Variants in BRD10 observed in about 807,000 individuals in gnomAD.
BRD10 encodes the protein bromodomain containing 10, also known as uncharacterized bromodomain-containing protein 10.
chr9:5,907,812 G>A, the BRD10 span, among the ~76,000 whole-genome samples: 2 of 152,156 alleles, frequency 1.3e-5, no homozygotes, highest in African/African-American at 4.8e-5. Context: ...AATTAGCCAA[G>A]CGTGGTGGTG....
the BRD10 span, among the ~76,000 whole-genome samples, chr9:5,995,723 G>A: frequency 1.3e-5 from 2 of 152,258 alleles, no homozygotes; most frequent in East Asian, 3.9e-4. Context: ...ATTGGACTTT[G>A]CAGAAAGAAC....
chr9:5,931,826 T>C, the BRD10 span, among the ~76,000 whole-genome samples: 2 of 152,190 alleles, frequency 1.3e-5, no homozygotes, highest in African/African-American at 4.8e-5. Context: ...CCATGGAGAA[T>C]GTGAGTCAAG....
chr9:5,951,072 A>C, the BRD10 span, among the ~76,000 whole-genome samples: 2 of 131,986 alleles, frequency 1.5e-5, no homozygotes, highest in African/African-American at 5.8e-5. Context: ...ACACACACAC[A>C]CACACCCCCA....
chr9:5,913,703 G>A, the BRD10 span, among the ~76,000 whole-genome samples: 1 of 152,064 alleles, frequency 6.6e-6, no homozygotes, highest in African/African-American at 2.4e-5. Flanking sequence ...ACACAAATCA[G>A]AAAATTGAGA....
the BRD10 span, among the ~76,000 whole-genome samples, chr9:5,969,848 C>A: frequency 6.6e-6 from 1 of 151,976 alleles, no homozygotes; most frequent in Non-Finnish European, 1.5e-5. Context: ...GCCCAGCCTG[C>A]CCTAGTTTTA....
the BRD10 span, among the ~76,000 whole-genome samples, chr9:5,971,947 T>C: frequency 3.9e-5 from 6 of 152,160 alleles, no homozygotes; most frequent in Non-Finnish European, 8.8e-5. Flanking sequence ...TTTGTAACTA[T>C]AAGCTGACTC....
At chr9:5,958,123 A>G in the BRD10 span, among the ~76,000 whole-genome samples, 3 of 152,204 alleles carry the variant, frequency 2.0e-5, no homozygotes, top group Non-Finnish European at 4.4e-5. Context: ...ATAAGGAAAC[A>G]TTAATAAACC....
the BRD10 span, among the ~76,000 whole-genome samples, chr9:5,973,905 G>C: frequency 6.6e-6 from 1 of 152,116 alleles, no homozygotes; most frequent in African/African-American, 2.4e-5. Context: ...CAAAACAAAA[G>C]CAAGAGACAA....
the BRD10 span, among the ~76,000 whole-genome samples, chr9:6,005,777 C>G: frequency 6.6e-6 from 1 of 152,068 alleles, no homozygotes; most frequent in Non-Finnish European, 1.5e-5. Flanking sequence ...ACTGTGGAGA[C>G]AAGGGTAACA....
At chr9:5,975,223 G>A in the BRD10 span, among the ~76,000 whole-genome samples, 10 of 151,388 alleles carry the variant, frequency 6.6e-5, no homozygotes, top group Admixed American at 3.3e-4. Flanking sequence ...ATCACTTGAC[G>A]TCAGGAGTTC....
the BRD10 span, chr9:5,892,552 G>A: frequency 1.9e-6 from 3 of 1,612,174 alleles, no homozygotes; most frequent in Admixed American, 1.7e-5. Flanking sequence ...CGGCTGAAGA[G>A]TAAGTTCAAA....
At chr9:5,886,426 G>A in the BRD10 span, among the ~76,000 whole-genome samples, 893 of 152,364 alleles carry the variant, frequency 5.9e-3, 13 homozygotes, top group African/African-American at 0.021. Context: ...GCCACGTGCT[G>A]TACCAAGCAC....
At chr9:5,951,525 A>G in the BRD10 span, among the ~76,000 whole-genome samples, 1 of 152,178 alleles carries the variant, frequency 6.6e-6, no homozygotes, top group African/African-American at 2.4e-5. Flanking sequence ...TTCTGACTAA[A>G]TATTTCTATA....
the BRD10 span, among the ~76,000 whole-genome samples, chr9:5,993,372 T>G: frequency 6.7e-6 from 1 of 149,312 alleles, no homozygotes; most frequent in African/African-American, 2.5e-5. Flanking sequence ...TTAGTTCACC[T>G]ATCCATTTAA....
chr9:5,933,397 T>C, the BRD10 span, among the ~76,000 whole-genome samples: 7 of 152,202 alleles, frequency 4.6e-5, no homozygotes, highest in East Asian at 5.8e-4. Context: ...CAAGTGTACA[T>C]TATGGAACCA....
At chr9:5,881,033 A>G in the BRD10 span, among the ~76,000 whole-genome samples, 1 of 152,128 alleles carries the variant, frequency 6.6e-6, no homozygotes, top group Non-Finnish European at 1.5e-5. Flanking sequence ...GATCTCACCC[A>G]AGGTGGAGGA....
chr9:5,929,585 C>T, the BRD10 span, among the ~76,000 whole-genome samples: 21 of 152,196 alleles, frequency 1.4e-4, no homozygotes, highest in African/African-American at 5.1e-4. Flanking sequence ...TGTCTAAAAG[C>T]AGTCTTTTTA....
the BRD10 span, among the ~76,000 whole-genome samples, chr9:5,976,971 G>A: frequency 6.6e-6 from 1 of 152,328 alleles, no homozygotes; most frequent in South Asian, 2.1e-4. Context: ...TTTGCCTAAA[G>A]CAGTGAAAAG....
chr9:5,920,207 C>A, the BRD10 span: 1 of 1,612,610 alleles, frequency 6.2e-7, no homozygotes. Context: ...AGATTGAATG[C>A]CTTGGCCACT....
Sources: allele counts gnomAD v4.1 joint callset (sites outside exome capture counted in the v4.1 genomes callset), GRCh38; gene constraint gnomAD v4.1.1; transcripts MANE v1.5; gene names NCBI Gene and HGNC (gene_info 2026-07-23, HGNC 2026-07-21).